Variants in ARSG observed in about 807,000 individuals in gnomAD.
ARSG encodes the protein arylsulfatase G, also known as ASG.
In ARSG, 37 loss-of-function variants were observed where a neutral mutation model predicts 50.5. That is an observed-to-expected ratio of 0.73 (90% CI 0.56 to 0.96). ARSG has a LOEUF of 0.96. Ranked by LOEUF, ARSG falls within the 50% of genes least tolerant of loss-of-function variation. ARSG has a pLI of 0.00. For missense variants in ARSG, 629 were observed against 675.3 expected (o/e 0.93, Z 0.76); for synonymous variants, 225 against 254.6 (o/e 0.88, Z 1.11).
intron 6 of ARSG, among the ~76,000 whole-genome samples, chr17:68,358,372 G>A (rs1243760975): frequency 6.6e-6 from 1 of 151,982 alleles, no homozygotes; most frequent in South Asian, 2.1e-4. Context: ...GGACAACCTG[G>A]TGAGACCTTG....
chr17:68,365,274 T>C (rs1210155690), intron 6 of ARSG, among the ~76,000 whole-genome samples: 1 of 152,224 alleles, frequency 6.6e-6, no homozygotes, highest in Non-Finnish European at 1.5e-5. Context: ...ATCGCGCCAC[T>C]GCACTCCAGC....
At chr17:68,413,074 C>T (rs1272560832) in intron 11 of ARSG, among the ~76,000 whole-genome samples, 1 of 151,840 alleles carries the variant, frequency 6.6e-6, no homozygotes, top group Non-Finnish European at 1.5e-5. Context: ...GAATGTCCTC[C>T]CATAGCTCAG....
intron 11 of ARSG, among the ~76,000 whole-genome samples, chr17:68,405,563 T>C (rs2081672816): frequency 6.6e-6 from 1 of 152,204 alleles, no homozygotes; most frequent in Admixed American, 6.5e-5. Context: ...CCTTTATTAG[T>C]TCTGTTTTTA....
chr17:68,306,008 C>CT (rs111502540), intron 1 of ARSG, among the ~76,000 whole-genome samples: 157 of 146,418 alleles, frequency 1.1e-3, no homozygotes, highest in East Asian at 3.2e-3. Flanking sequence ...TCTTTTTCTT[C>CT]TTTTTTTTTT....
chr17:68,428,804 G>T, the ARSG span: 1 of 1,571,352 alleles, frequency 6.4e-7, no homozygotes, highest in Non-Finnish European at 8.8e-7. Flanking sequence ...TCGAAAGGCT[G>T]TCTTTTGAAA....
At chr17:68,387,022 ATTAC>A (rs1331078266) in intron 9 of ARSG, among the ~76,000 whole-genome samples, 1 of 151,128 alleles carries the variant, frequency 6.6e-6, no homozygotes, top group African/African-American at 2.4e-5. Context: ...GGTTTTTGCC[ATTAC>A]TTTTAGTAGC....
At chr17:68,302,082 C>T (rs534242032) in intron 1 of ARSG, among the ~76,000 whole-genome samples, 21 of 152,214 alleles carry the variant, frequency 1.4e-4, no homozygotes, top group African/African-American at 4.3e-4. Context: ...CGGCTGTATG[C>T]ACTATGCCTG....
chr17:68,396,955 C>G (rs895553767), intron 10 of ARSG, among the ~76,000 whole-genome samples: 1 of 152,148 alleles, frequency 6.6e-6, no homozygotes, highest in African/African-American at 2.4e-5. Flanking sequence ...TTGTCACAGA[C>G]GTCATTGGAG....
chr17:68,271,948 G>A lies in ARSG; in HGVS notation c.-552+12522G>A, dbSNP rs764625638. 1.2e-4 allele frequency among the ~76,000 whole-genome samples: 19 copies of A among 152,136 alleles called. No individual in the cohort carries two copies. The highest frequency in any genetic ancestry group is 2.2e-4 in the Non-Finnish European group (15 of 68,024). On this transcript the variant is annotated intron_variant, in intron 1 of 11. Transcript: ENST00000448504. The surrounding 1 kb of genome is among the most constrained non-coding windows in gnomAD (Gnocchi z 5.3). ...CTCCTGAGTAGCTGGGACTATAGGCGTGCGCCACCACGACCAGCCAATTTT... is the reference window on the plus strand; with the variant it reads ...CTCCTGAGTAGCTGGGACTATAGGCATGCGCCACCACGACCAGCCAATTTT...
intron 10 of ARSG, chr17:68,401,140 C>T (rs1007982679): frequency 2.3e-5 from 12 of 520,224 alleles, no homozygotes; most frequent in African/African-American, 2.1e-4. Context: ...CCTCTCACCT[C>T]AGCTTCCAAG....
chr17:68,367,888 T>C lies in ARSG; in HGVS notation c.705-660T>C, dbSNP rs1178634832. 6.6e-6 allele frequency among the ~76,000 whole-genome samples: 1 copy of C among 152,106 alleles called. No homozygotes were observed. Among genetic ancestry groups the C allele is most frequent in the East Asian group, 1.9e-4 (1 of 5,178 alleles). Reference sequence around the variant, plus strand: ...GAGTTTGAGGCCAACCTAGCCAACGTAGCAAAACCCCATCTCTACTAAAAA... The same window carrying C: ...GAGTTTGAGGCCAACCTAGCCAACGCAGCAAAACCCCATCTCTACTAAAAA... On this transcript the variant is annotated intron_variant, in intron 6 of 11. Coordinates refer to ENST00000621439, the MANE Select transcript of ARSG (RefSeq NM_001267727.2). This position sits in a 1 kb window ranked among gnomAD's most constrained non-coding sequence, Gnocchi z 4.5.
At chr17:68,430,090 G>C in the ARSG span, 1 of 1,614,138 alleles carries the variant, frequency 6.2e-7, no homozygotes, top group South Asian at 1.1e-5. Flanking sequence ...ACCTGGGTAG[G>C]GAGGTAGTTG....
chr17:68,422,012 G>C (rs2082814805), downstream of ARSG: 2 of 627,790 alleles, frequency 3.2e-6, no homozygotes, highest in Non-Finnish European at 5.7e-6. Context: ...GTATGACACA[G>C]TTCTAGAAAA....
chr17:68,267,074 A>G (rs1555746638), intron 1 of ARSG: 1 of 152,222 alleles, frequency 6.6e-6, no homozygotes, highest in East Asian at 1.9e-4. Flanking sequence ...TAGAAGTACC[A>G]GAATGTCACT....
At chr17:68,404,073 G>A (rs913138891) in intron 11 of ARSG, among the ~76,000 whole-genome samples, 5 of 152,180 alleles carry the variant, frequency 3.3e-5, no homozygotes, top group Non-Finnish European at 5.9e-5. Context: ...ATTCCATGGT[G>A]TATATGTGCC....
At chr17:68,269,947 AGAGGCAT>A (rs1179163129) in intron 1 of ARSG, among the ~76,000 whole-genome samples, 1 of 152,178 alleles carries the variant, frequency 6.6e-6, no homozygotes, top group Non-Finnish European at 1.5e-5. Flanking sequence ...TGTTGGGATT[AGAGGCAT>A]GAGCCACTGC....
chr17:68,346,426 G>A (rs1234922273), intron 3 of ARSG, among the ~76,000 whole-genome samples: 2 of 152,280 alleles, frequency 1.3e-5, no homozygotes, highest in East Asian at 3.9e-4. Context: ...AATGCTGCCA[G>A]CGTCTCAATC....
chr17:68,307,792 C>G (rs2076666448), intron 2 of ARSG, 81 bp downstream of exon 2: 8 of 757,056 alleles, frequency 1.1e-5, no homozygotes, highest in Non-Finnish European at 1.8e-5. Flanking sequence ...GTGCAAAGCA[C>G]TTAAAGAGTC....
chr17:68,356,753 G>A lies in ARSG; in HGVS notation c.653G>A (p.Ser218Asn). 6.2e-7 allele frequency: 1 copy of A among 1,614,212 alleles called. No individual in the cohort carries two copies. The highest frequency in any genetic ancestry group is 8.5e-7 in the Non-Finnish European group (1 of 1,180,032). ...NIVEQPVNLSSLAQKYAEKAT... is the reference protein window; with the variant it reads ...NIVEQPVNLSNLAQKYAEKAT... The stretch of plus-strand genomic sequence containing the variant: ...GTGGAGCAGCCGGTGAACTTGAGCA[G>A]CCTTGCCCAGAAGTATGCTGAGAAA... The change falls in exon 6 of 12, where the codon AGC (serine) becomes AAC (asparagine). Residue 218 changes from serine to asparagine, a missense_variant. Transcript: ENST00000621439.
Sources: allele counts gnomAD v4.1 joint callset (sites outside exome capture counted in the v4.1 genomes callset), GRCh38; gene constraint gnomAD v4.1.1; non-coding constraint Gnocchi (gnomAD v3.1); transcripts MANE v1.5; gene names NCBI Gene and HGNC (gene_info 2026-07-23, HGNC 2026-07-21).